Variants in ZNF541 observed in about 807,000 individuals in gnomAD.
ZNF541 encodes zinc finger protein 541.
A neutral mutation model predicts 123.5 loss-of-function variants in ZNF541; 23 were observed. The observed-to-expected ratio is 0.19, with a 90% CI of 0.13 to 0.26. The LOEUF (loss-of-function observed/expected upper bound fraction) is 0.26. Ranked by LOEUF, ZNF541 falls within the 10% of genes least tolerant of loss-of-function variation. The probability of loss-of-function intolerance (pLI) is 1.00; values close to 1 mark genes in which losing one functional copy is unlikely to be tolerated. For missense variants in ZNF541, 1,612 were observed against 1,789.9 expected, an observed-to-expected ratio of 0.90 and a Z score of 1.79; for synonymous variants, 751 against 754.5, an observed-to-expected ratio of 1.00 and a Z score of 0.08.
intron 2 of ZNF541, among the ~76,000 whole-genome samples, chr19:47,560,113 T>C (rs1220339930): frequency 6.6e-6 from 1 of 152,058 alleles, no homozygotes; most frequent in East Asian, 1.9e-4. Flanking sequence ...AACTGGCAGC[T>C]CTCTGGGGTG....
rs750500813 is a variant in ZNF541 at position 47,544,410 on chromosome 19, C to G, written c.2119G>C (p.Glu707Gln). 11 of 1,551,572 alleles carry G rather than the reference C, an allele frequency of 7.1e-6. No homozygotes were observed. Among genetic ancestry groups the G allele is most frequent in the Non-Finnish European group, 9.6e-6 (11 of 1,147,006 alleles). Reference protein sequence around the residue: ...GQRQTQLGGEEPPGASLPGKQ... With the variant: ...GQRQTQLGGEQPPGASLPGKQ... ...CCTGGCAGCGAGGCTCCTGGTGGCTCCTCCCCACCTAACTGGGTCTGCCGT... is the reference window on the plus strand; with the variant it reads ...CCTGGCAGCGAGGCTCCTGGTGGCTGCTCCCCACCTAACTGGGTCTGCCGT... Residue 707 changes from glutamate (E) to glutamine (Q), a missense_variant, in exon 5 of 17, where the codon GAG becomes CAG. Physicochemically the swap from Glu to Gln is conservative, Grantham distance 29. This residue lies in a region of ZNF541 where 1,080 missense variants were observed against 1,013.8 expected (regional missense o/e 1.07). Coordinates refer to ENST00000391901, the MANE Select transcript of ZNF541 (RefSeq NM_001277075.3).
At position 47,544,677 on chromosome 19, in the gene ZNF541, G is replaced by A; in HGVS notation, c.1852C>T (p.Pro618Ser). ...CGGGCTGGGGAGCCCTCTGCCTCGG[G>A]GTTTCCAGGGCCGGCGTGGAGAGAG... is the stretch of plus-strand genomic sequence containing the variant. ...VDSLHAGPGN[P>S]EAEGSPARRR... Residue 618 changes from proline (P) to serine (S), a missense_variant, in exon 5 of 17, where the codon CCC becomes TCC. By Grantham distance (74) the Pro-to-Ser change is moderately conservative (BLOSUM62 -1). Transcript: ENST00000391901. 3.9e-6 allele frequency: 6 copies of A among 1,531,630 alleles called. No homozygotes were observed. Among genetic ancestry groups the A allele is most frequent in the South Asian group, 3.7e-5 (3 of 82,094 alleles). 94.9% of individuals were successfully genotyped at this position (1,531,630 alleles called of 1,614,324 possible).
In ZNF541 at chr19:47,545,598, C is replaced by T. The variant is rs767390309; in HGVS notation, c.931G>A (p.Ala311Thr). Residue 311 changes from alanine (A) to threonine (T), a missense_variant, in exon 5 of 17, where the codon GCC (alanine) becomes ACC (threonine). Ala to Thr is a moderately conservative substitution (Grantham distance 58, BLOSUM62 0). This residue lies in a region of ZNF541 where 1,080 missense variants were observed against 1,013.8 expected (regional missense o/e 1.07). Transcript: ENST00000391901. This position sits in a 1 kb window ranked among gnomAD's most constrained non-coding sequence, Gnocchi z 7.5. ...GTGCAGGACGAGGACCCCGATGAGG[C>T]GGGGCAGGGACAGGCAGTGTTCCTC... ...EGRNTACPCP[A>T]SSGSSSCTPA... 3.2e-6 allele frequency: 5 copies of T among 1,545,692 alleles called. No individual in the cohort carries two copies. Among genetic ancestry groups the T allele is most frequent in the Admixed American group, 2.0e-5 (1 of 50,760 alleles).
intron 3 of ZNF541, among the ~76,000 whole-genome samples, chr19:47,552,745 A>G (rs1488512239): frequency 7.5e-6 from 1 of 132,522 alleles, no homozygotes; most frequent in Non-Finnish European, 1.5e-5. Context: ...TCCATCTCAA[A>G]AAAAAAAAAA....
intron 14 of ZNF541, among the ~76,000 whole-genome samples, chr19:47,525,917 CAAAAAAAAAAAA>C (rs34123668): frequency 3.5e-5 from 2 of 57,606 alleles, no homozygotes; most frequent in African/African-American, 5.2e-5. Context: ...CTCCGTCTCA[CAAAAAAAAAAAA>C]AAAAAAAAAA....
At chr19:47,564,302 A>C (rs939367729) in intron 2 of ZNF541, among the ~76,000 whole-genome samples, 1 of 152,224 alleles carries the variant, frequency 6.6e-6, no homozygotes, top group Non-Finnish European at 1.5e-5. Context: ...AGGCAAGCCA[A>C]AAGTCCAAAG....
At chr19:47,540,003 G>A (rs1176787872) in intron 7 of ZNF541, 125 bp from the exon 8 acceptor site, 1 of 1,450,692 alleles carries the variant, frequency 6.9e-7, no homozygotes, top group African/African-American at 1.4e-5. Context: ...CCAAGCTGGA[G>A]AGCTGCTGCA....
rs933961097 is a variant in ZNF541, at chr19:47,539,812, G to A, written c.2689C>T (p.Pro897Ser). Residue 897 changes from proline (P) to serine (S), a missense_variant, in exon 8 of 17, where the codon CCC becomes TCC. Around this residue, in one of 5 missense-constraint regions of ZNF541, gnomAD observed 1,080 missense variants for 1,013.8 expected, o/e 1.07. Coordinates refer to ENST00000391901, the MANE Select transcript of ZNF541 (RefSeq NM_001277075.3). Reference sequence around the variant, plus strand: ...TCCAAGGGCTTCTTGGTTCCTGGGGGACTATGCCTGTCCCCTTCTGGCCTC... The same window carrying A: ...TCCAAGGGCTTCTTGGTTCCTGGGGAACTATGCCTGTCCCCTTCTGGCCTC... ...VLRPEGDRHS[P>S]PGTKKPLDPT... is the part of the protein sequence containing the mutation. The A allele has an allele frequency of 1.3e-6, 2 of 1,493,512 alleles. No individual in the cohort carries two copies. The highest frequency in any genetic ancestry group is 1.5e-5 in the African/African-American group (1 of 68,628). 92.5% of individuals were successfully genotyped at this position (1,493,512 alleles called of 1,614,324 possible). A position where few individuals can be genotyped will look rare whatever the true frequency, so the allele number is the denominator to read the frequency against.
chr19:47,525,286 C>CAA (rs981673143), intron 14 of ZNF541, among the ~76,000 whole-genome samples: 5 of 124,996 alleles, frequency 4.0e-5, no homozygotes, highest in Non-Finnish European at 6.9e-5. Context: ...ACTCTGTCTC[C>CAA]AAAAAAAAAA....
chr19:47,528,153 A>G (rs950503308), intron 14 of ZNF541, among the ~76,000 whole-genome samples: 14 of 144,676 alleles, frequency 9.7e-5, no homozygotes, highest in African/African-American at 3.5e-4. Flanking sequence ...CATCTCTACT[A>G]AAAAATACAA....
chr19:47,522,463 C>A (rs1379042509), intron 14 of ZNF541, among the ~76,000 whole-genome samples: 1 of 152,166 alleles, frequency 6.6e-6, no homozygotes, highest in Non-Finnish European at 1.5e-5. Flanking sequence ...CCCGTTCCTC[C>A]ACTAAGAAAG....
At chr19:47,541,638 A>G (rs1306550337) in intron 5 of ZNF541, among the ~76,000 whole-genome samples, 2 of 152,234 alleles carry the variant, frequency 1.3e-5, no homozygotes, top group African/African-American at 2.4e-5. Context: ...ACAGATGGCC[A>G]ATAAGAACAC....
intron 5 of ZNF541, among the ~76,000 whole-genome samples, chr19:47,541,593 A>G (rs1189204308): frequency 6.6e-6 from 1 of 152,202 alleles, no homozygotes; most frequent in East Asian, 1.9e-4. Flanking sequence ...AAAATAAGCA[A>G]AGGACCTGAA....
chr19:47,539,445 G>A (rs1379156326), intron 8 of ZNF541, among the ~76,000 whole-genome samples: 2 of 151,736 alleles, frequency 1.3e-5, no homozygotes, highest in African/African-American at 2.4e-5. Flanking sequence ...GTTTACAGGT[G>A]CCTGCCACCA....
intron 6 of ZNF541, among the ~76,000 whole-genome samples, chr19:47,540,651 G>A (rs1970042287): frequency 6.6e-6 from 1 of 152,148 alleles, no homozygotes; most frequent in East Asian, 1.9e-4. Context: ...TGTTGGCCAG[G>A]CTGGTCTCGA....
chr19:47,556,703 T>G (rs992164126), intron 2 of ZNF541, among the ~76,000 whole-genome samples: 1 of 151,910 alleles, frequency 6.6e-6, no homozygotes, highest in Admixed American at 6.6e-5. Flanking sequence ...CCCAAAAAAG[T>G]CAATTTAATA....
In ZNF541 at chr19:47,545,323, G is replaced by A; in HGVS notation, c.1206C>T (p.Val402=). ...GGCTCGATGGCTGGGAACTGGCAGG[G>A]ACCGTCTGGCCTCGGAAGAGAGGCA... The part of the protein sequence containing the change: ...ACLPLFRGQT[V]PASSQPSSHS... The change falls in exon 5 of 17, where the codon GTC becomes GTT. Residue 402 remains valine (V), a synonymous_variant. Coordinates refer to ENST00000391901, the MANE Select transcript of ZNF541 (RefSeq NM_001277075.3). The surrounding 1 kb of genome is among the most constrained non-coding windows in gnomAD (Gnocchi z 7.5). 6.5e-7 allele frequency: 1 copy of A among 1,548,834 alleles called. No individual in the cohort carries two copies. Among genetic ancestry groups the A allele is most frequent in the Non-Finnish European group, 8.7e-7 (1 of 1,146,454 alleles).
rs948005599 is a variant in ZNF541, at chr19:47,520,926, C to T, written c.*298G>A. 1 of 350,542 alleles carries T rather than the reference C, an allele frequency of 2.9e-6. No individual in the cohort carries two copies. Among genetic ancestry groups the T allele is most frequent in the Non-Finnish European group, 5.3e-6 (1 of 189,052 alleles). 21.7% of individuals were successfully genotyped at this position (350,542 alleles called of 1,614,324 possible). A position where few individuals can be genotyped will look rare whatever the true frequency, so the allele number is the denominator to read the frequency against. On this transcript the variant is annotated 3_prime_UTR_variant, in exon 17 of 17. Coordinates refer to ENST00000391901, the MANE Select transcript of ZNF541 (RefSeq NM_001277075.3). Reference sequence around the variant, plus strand: ...GCTAAGATTTAAGAGCTACCCAGAGCTAAATTTTCCCCTCCCCAAGCCTCC... The same window carrying T: ...GCTAAGATTTAAGAGCTACCCAGAGTTAAATTTTCCCCTCCCCAAGCCTCC...
intron 9 of ZNF541, among the ~76,000 whole-genome samples, chr19:47,537,233 G>A (rs116311669): frequency 0.018 from 2,687 of 152,260 alleles, 85 homozygotes; most frequent in African/African-American, 0.061. Context: ...GATTTGCATG[G>A]TATGTGAAGT....
Sources: gnomAD v4.1 joint callset for allele counts (sites outside exome capture counted in the v4.1 genomes callset) on GRCh38, gnomAD v4.1.1 for gene constraint, gnomAD v4.1.1 regional missense constraint, Gnocchi (gnomAD v3.1) non-coding constraint, MANE v1.5 for transcripts, NCBI Gene and HGNC (gene_info 2026-07-23, HGNC 2026-07-21) for gene names.